Variants in PRELID2 observed in about 807,000 individuals in gnomAD.
PRELID2 encodes PRELI domain containing 2.
Under a neutral mutation model 28.4 loss-of-function variants are expected in PRELID2, and 25 were observed. The ratio of observed to expected loss-of-function variants is 0.88; its 90% CI spans 0.64 to 1.23. The LOEUF (loss-of-function observed/expected upper bound fraction) is 1.23. Ranked by LOEUF, PRELID2 falls within the 50% of genes most tolerant of loss-of-function variation. The pLI is 0.00. For synonymous variants in PRELID2, 76 were observed against 71.6 expected, an observed-to-expected ratio of 1.06 and a Z score of -0.31; for missense variants, 201 against 214.4, an observed-to-expected ratio of 0.94 and a Z score of 0.39.
chr5:145,728,345 C>T (rs1377564620), intron 1 of PRELID2: 1 of 379,260 alleles, frequency 2.6e-6, no homozygotes, highest in African/African-American at 2.1e-5. Context: ...TCTATCTCTA[C>T]TTACTTATCT....
At chr5:145,387,604 C>T in the PRELID2 span, among the ~76,000 whole-genome samples, 89 of 152,012 alleles carry the variant, frequency 5.9e-4, no homozygotes, top group African/African-American at 2.1e-3. Context: ...CTTTTTTGAC[C>T]ATACATGGCT....
chr5:145,453,284 G>T, the PRELID2 span, among the ~76,000 whole-genome samples: 1 of 152,158 alleles, frequency 6.6e-6, no homozygotes, highest in Non-Finnish European at 1.5e-5. Context: ...GGAGGAAGGT[G>T]TTGGCAAAAT....
chr5:145,241,280 G>A, the PRELID2 span, among the ~76,000 whole-genome samples: 6 of 151,954 alleles, frequency 3.9e-5, no homozygotes, highest in East Asian at 1.9e-4. Flanking sequence ...TTGAAGACAC[G>A]ATTCTCATTC....
intron 1 of PRELID2, among the ~76,000 whole-genome samples, chr5:145,545,235 A>T (rs775985332): frequency 2.0e-5 from 3 of 152,116 alleles, no homozygotes; most frequent in Non-Finnish European, 4.4e-5. Context: ...TCAAATGACA[A>T]ATTTACTTAA....
chr5:145,806,833 G>T (rs1286117637), intron 4 of PRELID2, among the ~76,000 whole-genome samples: 2 of 152,108 alleles, frequency 1.3e-5, no homozygotes, highest in African/African-American at 4.8e-5. Flanking sequence ...CCGCCACCTT[G>T]TGAAGAAGGT....
chr5:145,754,411 C>T (rs613435), downstream of PRELID2: 1 of 152,220 alleles, frequency 6.6e-6, no homozygotes, highest in South Asian at 2.1e-4. Context: ...CAAGAGATAA[C>T]TGTGTCTGGT....
intron 1 of PRELID2, among the ~76,000 whole-genome samples, chr5:145,615,917 T>C (rs1002654023): frequency 7.9e-5 from 12 of 152,232 alleles, no homozygotes; most frequent in Admixed American, 6.5e-5. Flanking sequence ...TTAACAGTTC[T>C]TGTAGTGGTG....
chr5:145,778,545 C>T (rs544438905), intron 5 of PRELID2, among the ~76,000 whole-genome samples: 1 of 152,326 alleles, frequency 6.6e-6, no homozygotes, highest in East Asian at 1.9e-4. Flanking sequence ...CAAGCTGAAA[C>T]AGTTACAACA....
chr5:145,333,231 T>C, the PRELID2 span, among the ~76,000 whole-genome samples: 2 of 152,088 alleles, frequency 1.3e-5, no homozygotes, highest in African/African-American at 2.4e-5. Flanking sequence ...TGTCTCCCAG[T>C]CAGGAGGCAT....
chr5:145,251,571 G>A, the PRELID2 span, among the ~76,000 whole-genome samples: 1 of 152,086 alleles, frequency 6.6e-6, no homozygotes, highest in Admixed American at 6.5e-5. Flanking sequence ...GCTGGTGATG[G>A]GTAGTCAAGC....
Position 145,627,283 on chromosome 5 carries a change from T to C in PRELID2, n.70+137648A>G, listed in dbSNP as rs1168673696. The stretch of plus-strand genomic sequence containing the variant: ...GAAACATAAAGTCAAAAACCACATG[T>C]TCTCACTTACAAATGGGTGGTAAAC... On this transcript the variant is annotated intron_variant and non_coding_transcript_variant, in intron 1 of 2. Transcript: ENST00000510259. Among the ~76,000 whole-genome samples, 4 of 151,946 alleles carry C rather than the reference T, an allele frequency of 2.6e-5. No homozygotes were observed. The East Asian group carries it at 7.7e-4, about 29-fold the overall frequency.
At chr5:145,452,739 A>T in the PRELID2 span, among the ~76,000 whole-genome samples, 1 of 152,240 alleles carries the variant, frequency 6.6e-6, no homozygotes, top group East Asian at 1.9e-4. Context: ...TGTGAAGGGA[A>T]GCAAGGAAGA....
intron 1 of PRELID2, among the ~76,000 whole-genome samples, chr5:145,553,319 G>A (rs757394348): frequency 9.9e-5 from 15 of 152,196 alleles, no homozygotes; most frequent in Middle Eastern, 3.4e-3. Flanking sequence ...AGCCACACAG[G>A]TAGCATGAAC....
chr5:145,243,060 T>C, the PRELID2 span, among the ~76,000 whole-genome samples: 1 of 152,046 alleles, frequency 6.6e-6, no homozygotes, highest in Non-Finnish European at 1.5e-5. Flanking sequence ...TTGTAAATAA[T>C]TGTGCATTTA....
chr5:145,277,588 T>C, the PRELID2 span, among the ~76,000 whole-genome samples: 1 of 152,196 alleles, frequency 6.6e-6, no homozygotes, highest in African/African-American at 2.4e-5. Flanking sequence ...TTAGTGACAC[T>C]GTCATGGATT....
intron 4 of PRELID2, among the ~76,000 whole-genome samples, chr5:145,810,357 AACTGCCAAGATC>A (rs1389505687): frequency 6.6e-6 from 1 of 152,202 alleles, no homozygotes; most frequent in Non-Finnish European, 1.5e-5. Context: ...CTGAATCTAC[AACTGCCAAGATC>A]ACTGCATGAA....
intron 4 of PRELID2, among the ~76,000 whole-genome samples, chr5:145,812,587 A>C (rs146609344): frequency 6.6e-6 from 1 of 152,246 alleles, no homozygotes; most frequent in Admixed American, 6.5e-5. Context: ...ACATACATCA[A>C]GCACTTAGAG....
At chr5:145,296,067 C>A in the PRELID2 span, among the ~76,000 whole-genome samples, 1 of 151,990 alleles carries the variant, frequency 6.6e-6, no homozygotes, top group Non-Finnish European at 1.5e-5. Flanking sequence ...ATCTCAGTGA[C>A]AACAGAAGAA....
At chr5:145,833,213 GT>G (rs1755717749) in intron 1 of PRELID2, among the ~76,000 whole-genome samples, 3 of 152,308 alleles carry the variant, frequency 2.0e-5, no homozygotes, top group Admixed American at 2.0e-4. Flanking sequence ...GCAGGAGTGA[GT>G]CTCACCTTTA....
Sources: gnomAD v4.1 joint callset for allele counts (sites outside exome capture counted in the v4.1 genomes callset) on GRCh38, gnomAD v4.1.1 for gene constraint, MANE v1.5 for transcripts, NCBI Gene and HGNC (gene_info 2026-07-23, HGNC 2026-07-21) for gene names.